ENTREP2: variants seen among roughly 807,000 people sequenced by gnomAD.
ENTREP2 encodes protein ENTREP2.
At chr15:29,514,678 TC>T in the ENTREP2 span, among the ~76,000 whole-genome samples, 1 of 152,180 alleles carries the variant, frequency 6.6e-6, no homozygotes, top group Non-Finnish European at 1.5e-5. Context: ...TGGCACTATT[TC>T]ATCAGTAGCT....
At chr15:29,135,183 G>A in the ENTREP2 span, among the ~76,000 whole-genome samples, 1 of 150,952 alleles carries the variant, frequency 6.6e-6, no homozygotes, top group Non-Finnish European at 1.5e-5. The surrounding 1 kb of genome is among the most constrained non-coding windows in gnomAD (Gnocchi z 7.4). Flanking sequence ...ACTCACTGCT[G>A]TGTTCCCCAG....
At chr15:29,423,068 T>C in the ENTREP2 span, among the ~76,000 whole-genome samples, 194 of 152,266 alleles carry the variant, frequency 1.3e-3, 9 homozygotes, top group East Asian at 0.032. Flanking sequence ...TGACATAGTA[T>C]ACCCTTTTCA....
the ENTREP2 span, among the ~76,000 whole-genome samples, chr15:29,465,653 G>A: frequency 6.6e-6 from 1 of 152,154 alleles, no homozygotes; most frequent in Non-Finnish European, 1.5e-5. Context: ...TTCTCAAATT[G>A]TATGGTCCAT....
At chr15:29,641,831 C>CA in the ENTREP2 span, among the ~76,000 whole-genome samples, 12,819 of 78,364 alleles carry the variant, frequency 0.16, 2,037 homozygotes, top group African/African-American at 0.43. Context: ...GACTCTGTCT[C>CA]AAAAAAAAAA....
At chr15:29,180,060 CAGAG>C in the ENTREP2 span, among the ~76,000 whole-genome samples, 1 of 152,052 alleles carries the variant, frequency 6.6e-6, no homozygotes, top group East Asian at 1.9e-4. Flanking sequence ...TGAGAATGAC[CAGAG>C]AGAAAGACGG....
At chr15:29,359,069 T>C in the ENTREP2 span, among the ~76,000 whole-genome samples, 1 of 152,274 alleles carries the variant, frequency 6.6e-6, no homozygotes, top group East Asian at 1.9e-4. Flanking sequence ...AGATATAATC[T>C]ACAGGGAATG....
the ENTREP2 span, among the ~76,000 whole-genome samples, chr15:29,254,547 C>T: frequency 1.3e-5 from 2 of 151,820 alleles, no homozygotes; most frequent in Admixed American, 1.3e-4. Context: ...GTCTTTGACA[C>T]ATGTCTATTT....
the ENTREP2 span, among the ~76,000 whole-genome samples, chr15:29,230,462 A>T: frequency 1.3e-5 from 2 of 152,342 alleles, no homozygotes; most frequent in African/African-American, 2.4e-5. Flanking sequence ...TATTTAGAGA[A>T]TATGCAGAAA....
At chr15:29,598,858 A>G in the ENTREP2 span, among the ~76,000 whole-genome samples, 72,996 of 151,858 alleles carry the variant, frequency 0.48, 17,978 homozygotes, top group Non-Finnish European at 0.54. Flanking sequence ...CACCGCGCCC[A>G]GCTAATTTTT....
At chr15:29,379,977 C>T in the ENTREP2 span, among the ~76,000 whole-genome samples, 11 of 151,556 alleles carry the variant, frequency 7.3e-5, no homozygotes, top group African/African-American at 2.4e-4. Flanking sequence ...CTGCATACCC[C>T]GAGGATGTCA....
the ENTREP2 span, among the ~76,000 whole-genome samples, chr15:29,502,116 C>A: frequency 2.0e-5 from 3 of 151,712 alleles, no homozygotes; most frequent in African/African-American, 7.2e-5. Flanking sequence ...CAAGGATCAA[C>A]AAACTAATCC....
At chr15:29,120,177 G>C in the ENTREP2 span, 1 of 152,240 alleles carries the variant, frequency 6.6e-6, no homozygotes, top group African/African-American at 2.4e-5. Flanking sequence ...GGTCCTCTCA[G>C]GACCCTGCCC....
chr15:29,556,095 A>C, the ENTREP2 span, among the ~76,000 whole-genome samples: 10 of 152,184 alleles, frequency 6.6e-5, no homozygotes, highest in Non-Finnish European at 1.5e-4. Context: ...CTCTACAAAA[A>C]TTAAAATTAA....
chr15:29,356,270 A>G, the ENTREP2 span, among the ~76,000 whole-genome samples: 7,562 of 48,086 alleles, frequency 0.16, 342 homozygotes, highest in African/African-American at 0.26. Flanking sequence ...GTGTGTGTGT[A>G]TATATATATA....
At chr15:29,160,807 T>G in the ENTREP2 span, among the ~76,000 whole-genome samples, 12 of 152,072 alleles carry the variant, frequency 7.9e-5, no homozygotes, top group African/African-American at 2.7e-4. Flanking sequence ...CGCTAGTTCA[T>G]TCAGTAGTTT....
chr15:29,440,529 G>C, the ENTREP2 span, among the ~76,000 whole-genome samples: 2 of 152,150 alleles, frequency 1.3e-5, no homozygotes, highest in African/African-American at 4.8e-5. Context: ...TTACTCCCAG[G>C]TTTCCACATC....
chr15:29,607,690 T>C, the ENTREP2 span, among the ~76,000 whole-genome samples: 1 of 152,180 alleles, frequency 6.6e-6, no homozygotes, highest in Non-Finnish European at 1.5e-5. Flanking sequence ...TTGCATAGGA[T>C]TGAACTTGAT....
the ENTREP2 span, among the ~76,000 whole-genome samples, chr15:29,581,897 T>C: frequency 6.6e-6 from 1 of 151,724 alleles, no homozygotes; most frequent in Non-Finnish European, 1.5e-5. Flanking sequence ...CACAGTTCAA[T>C]GTAACTGAAT....
chr15:29,454,722 G>A, the ENTREP2 span, among the ~76,000 whole-genome samples: 1 of 152,162 alleles, frequency 6.6e-6, no homozygotes, highest in African/African-American at 2.4e-5. Context: ...GAGCTTGGAG[G>A]TAGATACTCC....
Sources: allele counts gnomAD v4.1 joint callset (sites outside exome capture counted in the v4.1 genomes callset), GRCh38; gene constraint gnomAD v4.1.1; non-coding constraint Gnocchi (gnomAD v3.1); transcripts MANE v1.5; gene names NCBI Gene and HGNC (gene_info 2026-07-23, HGNC 2026-07-21).